The following CAMTA1 variants were observed in gnomAD, a reference collection of about 807,000 sequenced individuals.
The protein encoded by CAMTA1 is calmodulin-binding transcription activator 1.
Under a neutral mutation model 170.9 loss-of-function variants are expected in CAMTA1, and 27 were observed. The ratio of observed to expected loss-of-function variants is 0.16; its 90% CI spans 0.12 to 0.22. The LOEUF (loss-of-function observed/expected upper bound fraction) is 0.22. Ranked by LOEUF, CAMTA1 falls within the 10% of genes least tolerant of loss-of-function variation. The probability of loss-of-function intolerance (pLI) is 1.00; values close to 1 mark genes in which losing one functional copy is unlikely to be tolerated. For synonymous variants in CAMTA1, 833 were observed against 891.5 expected (o/e 0.93, Z 1.17); for missense variants, 1,619 against 2,217.2 (o/e 0.73, Z 5.42).
At chr1:6,990,590 G>A (rs1479675151) in intron 3 of CAMTA1, among the ~76,000 whole-genome samples, 1 of 152,094 alleles carries the variant, frequency 6.6e-6, no homozygotes, top group Non-Finnish European at 1.5e-5. Flanking sequence ...TTTGACAGAT[G>A]TGTCTACCCA....
chr1:7,744,128 C>CTT (rs60348958), intron 16 of CAMTA1, among the ~76,000 whole-genome samples: 22 of 84,268 alleles, frequency 2.6e-4, no homozygotes, highest in East Asian at 3.2e-4. Context: ...CGCCTGGCCT[C>CTT]TTTTTTTTTT....
chr1:7,394,833 GTGTGTGTGTC>G (rs1183187064), intron 5 of CAMTA1, among the ~76,000 whole-genome samples: 2 of 147,240 alleles, frequency 1.4e-5, no homozygotes, highest in Admixed American at 6.8e-5. Context: ...GTGTGTGTGT[GTGTGTGTGTC>G]TGTGTGTGTG....
At chr1:6,891,644 A>G (rs575329867) in intron 3 of CAMTA1, among the ~76,000 whole-genome samples, 4 of 152,344 alleles carry the variant, frequency 2.6e-5, no homozygotes, top group Admixed American at 2.6e-4. Flanking sequence ...AATTTAAGTC[A>G]AGGTAGTAGC....
At chr1:7,129,844 T>A (rs1443521856) in intron 4 of CAMTA1, among the ~76,000 whole-genome samples, 1 of 152,216 alleles carries the variant, frequency 6.6e-6, no homozygotes, top group Non-Finnish European at 1.5e-5. Flanking sequence ...TCTGTCACTA[T>A]GGATTAGTAT....
chr1:7,570,864 C>A lies in CAMTA1; in HGVS notation c.511-69536C>A, dbSNP rs2095117164. ...CTGGGAGTCAGAATCCAAGCCTGGC[C>A]TCCCCCATGAACCAGCTGGGTGATG... On this transcript the variant is annotated intron_variant, in intron 6 of 22. Coordinates refer to ENST00000303635, the MANE Select transcript of CAMTA1 (RefSeq NM_015215.4). The surrounding 1 kb of genome is among the most constrained non-coding windows in gnomAD (Gnocchi z 4.3). 1.3e-5 allele frequency among the ~76,000 whole-genome samples: 2 copies of A among 152,208 alleles called. No homozygotes were observed.
At chr1:6,839,596 T>G (rs1433492786) in intron 3 of CAMTA1, among the ~76,000 whole-genome samples, 1 of 152,088 alleles carries the variant, frequency 6.6e-6, no homozygotes, top group Non-Finnish European at 1.5e-5. Flanking sequence ...TTTCTGAGTG[T>G]GCTAAGAACA....
chr1:7,016,973 C>T (rs903278565), intron 3 of CAMTA1, among the ~76,000 whole-genome samples: 2 of 152,224 alleles, frequency 1.3e-5, no homozygotes, highest in Non-Finnish European at 2.9e-5. Context: ...CCTGCCTACT[C>T]ACCTTTCTGT....
chr1:7,520,932 C>T (rs1324537446), intron 6 of CAMTA1, among the ~76,000 whole-genome samples: 1 of 146,612 alleles, frequency 6.8e-6, no homozygotes, highest in Non-Finnish European at 1.5e-5. Context: ...ACACATGCAC[C>T]CACACACCTC....
In CAMTA1 at chr1:7,249,510, A is replaced by T; in HGVS notation, c.322A>T (p.Ile108Leu). The change falls in exon 5 of 23, where the codon ATA becomes TTA. Residue 108 changes from isoleucine (I) to leucine (L), a missense_variant. Coordinates refer to ENST00000303635, the MANE Select transcript of CAMTA1 (RefSeq NM_015215.4). This position sits in a 1 kb window ranked among gnomAD's most constrained non-coding sequence, Gnocchi z 4.4. ...TTCCAGACCACAGAATGGCTCAATGATACTCTACAACAGGAAGAAAGTGAA... is the reference window on the plus strand; with the variant it reads ...TTCCAGACCACAGAATGGCTCAATGTTACTCTACAACAGGAAGAAAGTGAA... Reference protein sequence around the residue: ...PKTRPQNGSMILYNRKKVKYR... With the variant: ...PKTRPQNGSMLLYNRKKVKYR... 2 of 1,614,100 alleles carry T rather than the reference A, an allele frequency of 1.2e-6. No individual in the cohort carries two copies. Among genetic ancestry groups the T allele is most frequent in the Non-Finnish European group, 1.7e-6 (2 of 1,179,990 alleles).
intron 3 of CAMTA1, among the ~76,000 whole-genome samples, chr1:7,078,306 G>A (rs1427896495): frequency 6.6e-6 from 1 of 152,162 alleles, no homozygotes; most frequent in African/African-American, 2.4e-5. Context: ...GCTCTTTTAG[G>A]CTCTTCTGAT....
chr1:7,529,727 A>G (rs2094470003), intron 6 of CAMTA1, among the ~76,000 whole-genome samples: 1 of 152,178 alleles, frequency 6.6e-6, no homozygotes, highest in South Asian at 2.1e-4. Context: ...GAACCTTAAC[A>G]TCTCTATCTG....
At chr1:7,746,197 C>T (rs2096856002) in intron 18 of CAMTA1, 106 bp downstream of exon 18, 1 of 1,363,900 alleles carries the variant, frequency 7.3e-7, no homozygotes, top group African/African-American at 1.5e-5. Context: ...TTTTTTTCCT[C>T]TGAATTTGTA....
At chr1:6,994,560 G>A (rs529544543) in intron 3 of CAMTA1, among the ~76,000 whole-genome samples, 2 of 152,246 alleles carry the variant, frequency 1.3e-5, no homozygotes, top group South Asian at 2.1e-4. Context: ...CCTGCGGAAC[G>A]TGTCCTTTAT....
intron 6 of CAMTA1, among the ~76,000 whole-genome samples, chr1:7,520,204 C>T (rs1210092849): frequency 0.014 from 1 of 70 alleles, no homozygotes; most frequent in Non-Finnish European, 0.029. Flanking sequence ...CTGCCGACCT[C>T]CTCCTCCTCC....
intron 6 of CAMTA1, among the ~76,000 whole-genome samples, chr1:7,508,021 T>G (rs1241418789): frequency 6.6e-6 from 1 of 152,258 alleles, no homozygotes; most frequent in Non-Finnish European, 1.5e-5. Context: ...CCAGTGGGGT[T>G]TATGGGGCAC....
rs1052831985 is a variant in CAMTA1, at chr1:7,562,708, C to T, written c.511-77692C>T. 2.0e-5 allele frequency among the ~76,000 whole-genome samples: 3 copies of T among 152,220 alleles called. No individual in the cohort carries two copies. The highest frequency in any genetic ancestry group is 4.4e-5 in the Non-Finnish European group (3 of 68,044). ...TGACCCCGCAGCTGGCACGGAGATGCTGGGAGAAGGGTCTGATATTTCCCG... is the reference window on the plus strand; with the variant it reads ...TGACCCCGCAGCTGGCACGGAGATGTTGGGAGAAGGGTCTGATATTTCCCG... On this transcript the variant is annotated intron_variant, in intron 6 of 22. Transcript: ENST00000303635. The surrounding 1 kb of genome is among the most constrained non-coding windows in gnomAD (Gnocchi z 4.8).
chr1:7,237,206 G>A (rs1664042278), intron 4 of CAMTA1, among the ~76,000 whole-genome samples: 1 of 152,198 alleles, frequency 6.6e-6, no homozygotes, highest in Non-Finnish European at 1.5e-5. Flanking sequence ...TGGGAACTGG[G>A]ACATCATCTG....
chr1:7,488,335 T>G (rs2093645532), intron 6 of CAMTA1, among the ~76,000 whole-genome samples: 1 of 152,026 alleles, frequency 6.6e-6, no homozygotes, highest in South Asian at 2.1e-4. Context: ...CAGGGATGGC[T>G]CCAGACCCTG....
chr1:7,165,449 G>A (rs1468642032), intron 4 of CAMTA1, among the ~76,000 whole-genome samples: 3 of 150,284 alleles, frequency 2.0e-5, no homozygotes, highest in Admixed American at 6.6e-5. Context: ...TCTTTTTTTT[G>A]GAGACGGAGT....
Sources: allele counts gnomAD v4.1 joint callset (sites outside exome capture counted in the v4.1 genomes callset), GRCh38; gene constraint gnomAD v4.1.1; non-coding constraint Gnocchi (gnomAD v3.1); transcripts MANE v1.5; gene names NCBI Gene and HGNC (gene_info 2026-07-23, HGNC 2026-07-21).